Variants in SLC1A2 observed in about 807,000 individuals in gnomAD.
SLC1A2 encodes the protein solute carrier family 1 member 2, also known as excitatory amino acid transporter 2.
Under a neutral mutation model 48.8 loss-of-function variants are expected in SLC1A2, and 15 were observed. The observed-to-expected ratio is 0.31, with a 90% CI of 0.21 to 0.47. The LOEUF (loss-of-function observed/expected upper bound fraction) is 0.47. Among genes scored for constraint, SLC1A2 ranks in the 20% least tolerant of loss-of-function variants. The pLI is 0.99. For missense variants in SLC1A2, 502 were observed against 730.5 expected, an observed-to-expected ratio of 0.69 and a Z score of 3.61; for synonymous variants, 279 against 272.6, an observed-to-expected ratio of 1.02 and a Z score of -0.23.
chr11:35,292,031 C>T lies in SLC1A2; in HGVS notation c.1091+256G>A, dbSNP rs556839661. On this transcript the variant is annotated intron_variant, in intron 7 of 10. Transcript: ENST00000278379. ...GCAAATTAGGCATGCAAACAAATAG[C>T]ATGCATTTATCTGAAAAATTTAATG... The T allele has an allele frequency of 2.2e-5, 10 of 452,176 alleles. No individual in the cohort carries two copies. The East Asian group carries it at 3.7e-4, about 17-fold the overall frequency. 28.0% of individuals were successfully genotyped at this position (452,176 alleles called of 1,614,324 possible).
chr11:35,398,785 T>C (rs1273744631), intron 1 of SLC1A2, among the ~76,000 whole-genome samples: 1 of 152,128 alleles, frequency 6.6e-6, no homozygotes, highest in Non-Finnish European at 1.5e-5. Context: ...CAACAGCATA[T>C]TGTGTTAAGT....
intron 1 of SLC1A2, among the ~76,000 whole-genome samples, chr11:35,369,369 G>A (rs908076013): frequency 6.6e-6 from 1 of 152,196 alleles, no homozygotes; most frequent in African/African-American, 2.4e-5. Context: ...TGATTGTGTT[G>A]TAGGTTTCCA....
intron 1 of SLC1A2, among the ~76,000 whole-genome samples, chr11:35,414,596 C>G (rs1457786120): frequency 1.3e-5 from 2 of 152,156 alleles, no homozygotes; most frequent in Non-Finnish European, 2.9e-5. Context: ...TTGCCATAAT[C>G]TGGATTCTAA....
At chr11:35,403,918 T>C (rs1339016055) in intron 1 of SLC1A2, among the ~76,000 whole-genome samples, 1 of 148,984 alleles carries the variant, frequency 6.7e-6, no homozygotes, top group Non-Finnish European at 1.5e-5. Context: ...CTGGCTTGGC[T>C]CAGCAGCTTA....
chr11:35,315,051 G>A lies in SLC1A2; in HGVS notation c.282C>T (p.Leu94=), dbSNP rs1406747173. ...TGATTAAGCTGGAGATGATTAGAGG[G>A]AGAATGAGCATTTTTAGCATCCTCA... ...ILMRMLKMLI[L]PLIISSLITG... is the part of the protein sequence containing the mutation. The change falls in exon 3 of 11, where the codon CTC becomes CTT. Residue 94 remains leucine, a synonymous_variant. Transcript: ENST00000278379. 5 of 1,613,164 alleles carry A rather than the reference G, an allele frequency of 3.1e-6. No homozygotes were observed. The highest frequency in any genetic ancestry group is 4.5e-5 in the East Asian group (2 of 44,874).
chr11:35,377,684 C>A (rs551782344), intron 1 of SLC1A2, among the ~76,000 whole-genome samples: 2 of 152,268 alleles, frequency 1.3e-5, no homozygotes, highest in South Asian at 2.1e-4. Context: ...AAGAAAGGAA[C>A]CTCCCAACAA....
In SLC1A2 at chr11:35,252,128, G is replaced by T. The variant is rs1305034764; in HGVS notation, c.*8766C>A. On this transcript the variant is annotated 3_prime_UTR_variant, in exon 11 of 11. Coordinates refer to ENST00000278379, the MANE Select transcript of SLC1A2 (RefSeq NM_004171.4). ...TCTAGTGCTCTAAGTTTTTTACAGA[G>T]AACTCTGAAGTTTATAGCCAGAACT... is the stretch of plus-strand genomic sequence containing the variant. The T allele has an allele frequency of 6.6e-6, 1 of 152,566 alleles. No individual in the cohort carries two copies. Among genetic ancestry groups the T allele is most frequent in the East Asian group, 1.9e-4 (1 of 5,198 alleles). 9.5% of individuals were successfully genotyped at this position (152,566 alleles called of 1,614,324 possible). A position where few individuals can be genotyped will look rare whatever the true frequency, so the allele number is the denominator to read the frequency against.
intron 1 of SLC1A2, among the ~76,000 whole-genome samples, chr11:35,332,844 C>T (rs1349274931): frequency 1.3e-5 from 2 of 152,186 alleles, no homozygotes; most frequent in Non-Finnish European, 2.9e-5. Context: ...GCAGCACACG[C>T]TACCTAGAGA....
At chr11:35,369,623 C>T (rs1017393231) in intron 1 of SLC1A2, among the ~76,000 whole-genome samples, 12 of 152,230 alleles carry the variant, frequency 7.9e-5, no homozygotes, top group African/African-American at 2.9e-4. Context: ...GAGAATGACA[C>T]AGCCACATAC....
At chr11:35,355,104 C>T (rs114381419) in intron 1 of SLC1A2, among the ~76,000 whole-genome samples, 163 of 152,158 alleles carry the variant, frequency 1.1e-3, no homozygotes, top group African/African-American at 3.7e-3. Context: ...TACAAACAAA[C>T]AATAGAGCAT....
intron 5 of SLC1A2, among the ~76,000 whole-genome samples, chr11:35,305,420 T>TAA (rs1851473031): frequency 6.6e-6 from 1 of 151,720 alleles, no homozygotes; most frequent in Non-Finnish European, 1.5e-5. Context: ...AGAAATGGAG[T>TAA]AACTTGCCCA....
intron 7 of SLC1A2, among the ~76,000 whole-genome samples, chr11:35,288,622 T>C (rs1323574865): frequency 1.3e-5 from 2 of 152,238 alleles, no homozygotes; most frequent in African/African-American, 2.4e-5. Flanking sequence ...ACATTTATGT[T>C]TATTATTGCA....
rs1238508126 is a variant in SLC1A2, at chr11:35,257,002, A to G, written c.*3892T>C. On this transcript the variant is annotated 3_prime_UTR_variant, in exon 11 of 11. Coordinates refer to ENST00000278379, the MANE Select transcript of SLC1A2 (RefSeq NM_004171.4). ...CCGAAGCCTTGATTCTGACAAAAGT[A>G]AAAAAAACTATAACATCACTTTTGC... The G allele has an allele frequency of 2.0e-5, 3 of 147,038 alleles. No homozygotes were observed. The highest frequency in any genetic ancestry group is 4.4e-5 in the Non-Finnish European group (3 of 67,946). The allele number at this position is 147,038 out of a possible 1,614,324, so 9.1% of individuals were successfully genotyped here.
At chr11:35,379,816 T>C (rs566934545) in intron 1 of SLC1A2, among the ~76,000 whole-genome samples, 1 of 152,300 alleles carries the variant, frequency 6.6e-6, no homozygotes, top group South Asian at 2.1e-4. Flanking sequence ...TTCTGGGCAA[T>C]CAATTACTTA....
chr11:35,368,913 C>A (rs1590236655), intron 1 of SLC1A2, among the ~76,000 whole-genome samples: 1 of 152,194 alleles, frequency 6.6e-6, no homozygotes, highest in Non-Finnish European at 1.5e-5. Context: ...AAGTGCAGAG[C>A]CCTGCCACTG....
chr11:35,398,166 C>T (rs997629338), intron 1 of SLC1A2, among the ~76,000 whole-genome samples: 6 of 152,164 alleles, frequency 3.9e-5, no homozygotes, highest in South Asian at 2.1e-4. Flanking sequence ...GACATGTAAA[C>T]CTACTTGGCT....
rs928353402 is a variant in SLC1A2 at position 35,368,965 on chromosome 11, C to A, written c.17+49985G>T. Among the ~76,000 whole-genome samples, 3 of 152,256 alleles carry A rather than the reference C, an allele frequency of 2.0e-5. No homozygotes were observed. In the Middle Eastern group the frequency reaches 0.01, roughly 518 times the overall value. On this transcript the variant is annotated intron_variant, in intron 1 of 10. Coordinates refer to ENST00000278379, the MANE Select transcript of SLC1A2 (RefSeq NM_004171.4). ...GGGATGGACAGTGCCATTCCTGTAC[C>A]TTTCTATTTTTAATGTTCCATTTCT...
At chr11:35,341,551 A>G (rs576999817) in intron 1 of SLC1A2, among the ~76,000 whole-genome samples, 34 of 152,348 alleles carry the variant, frequency 2.2e-4, no homozygotes, top group Non-Finnish European at 3.7e-4. Context: ...AACACTCTCA[A>G]CTACCTTAGC....
chr11:35,281,403 C>T (rs1173163050), intron 8 of SLC1A2, among the ~76,000 whole-genome samples: 1 of 152,196 alleles, frequency 6.6e-6, no homozygotes, highest in Non-Finnish European at 1.5e-5. Context: ...TTTTATGTCT[C>T]TGTGAGCACC....
Sources: allele counts gnomAD v4.1 joint callset (sites outside exome capture counted in the v4.1 genomes callset), GRCh38; gene constraint gnomAD v4.1.1; transcripts MANE v1.5; gene names NCBI Gene and HGNC (gene_info 2026-07-23, HGNC 2026-07-21).